Variants in GREB1L observed in about 807,000 individuals in gnomAD.
GREB1L encodes GREB1 like retinoic acid receptor coactivator.
A neutral mutation model predicts 200.8 loss-of-function variants in GREB1L; 17 were observed. That is an observed-to-expected ratio of 0.08 (90% confidence interval 0.06 to 0.13). The LOEUF is 0.13. GREB1L is among the 10% of genes least tolerant of loss of function. The pLI, the probability that GREB1L is intolerant of heterozygous loss-of-function variation, is 1.00. For missense variants in GREB1L, 1,657 were observed against 2,367.7 expected (o/e 0.70, Z 6.23); for synonymous variants, 789 against 893.0 (o/e 0.88, Z 2.08).
chr18:21,515,766 C>A (rs2146092775), intron 29 of GREB1L, 122 bp downstream of exon 29: 1 of 746,392 alleles, frequency 1.3e-6, no homozygotes, highest in East Asian at 2.7e-5. Context: ...TTTATGTGGG[C>A]AAGGAGAAAG....
intron 15 of GREB1L, among the ~76,000 whole-genome samples, chr18:21,457,314 C>G (rs981294300): frequency 1.3e-5 from 2 of 152,076 alleles, no homozygotes; most frequent in African/African-American, 4.8e-5. Context: ...TTGGCACACT[C>G]AAAGCAAAGC....
chr18:21,273,307 G>A (rs978618031), intron 1 of GREB1L, among the ~76,000 whole-genome samples: 1 of 152,150 alleles, frequency 6.6e-6, no homozygotes, highest in African/African-American at 2.4e-5. Context: ...ATTAACATAT[G>A]TAGTAATATT....
At chr18:21,515,775 AG>A (rs1163483931) in intron 29 of GREB1L, 131 bp downstream of exon 29, 5 of 702,310 alleles carry the variant, frequency 7.1e-6, no homozygotes, top group African/African-American at 5.4e-5. Flanking sequence ...GCAAGGAGAA[AG>A]GGGGATCACA....
intron 27 of GREB1L, among the ~76,000 whole-genome samples, chr18:21,510,191 G>A (rs1447824135): frequency 1.3e-5 from 2 of 149,176 alleles, no homozygotes; most frequent in South Asian, 2.1e-4. Context: ...ACCAGCCTGC[G>A]TGACAACAGT....
chr18:21,445,093 C>T (rs535633239), intron 11 of GREB1L, among the ~76,000 whole-genome samples: 6 of 152,236 alleles, frequency 3.9e-5, no homozygotes, highest in Admixed American at 6.5e-5. Context: ...GCATTTACAT[C>T]GAAATGTCCT....
intron 1 of GREB1L, among the ~76,000 whole-genome samples, chr18:21,328,404 A>G (rs1464866697): frequency 6.6e-6 from 1 of 152,194 alleles, no homozygotes; most frequent in Non-Finnish European, 1.5e-5. Flanking sequence ...TAGTGCCAAG[A>G]CAACCAGGAA....
At chr18:21,478,111 T>C (rs969956731) in intron 17 of GREB1L, among the ~76,000 whole-genome samples, 1 of 152,202 alleles carries the variant, frequency 6.6e-6, no homozygotes, top group African/African-American at 2.4e-5. Flanking sequence ...GCATCACTGT[T>C]AATTACTCTC....
chr18:21,243,739 T>C (rs964380086), intron 1 of GREB1L, among the ~76,000 whole-genome samples: 1 of 152,216 alleles, frequency 6.6e-6, no homozygotes, highest in Admixed American at 6.5e-5. Flanking sequence ...TGAAAAATTA[T>C]TTAAAAGAGA....
Position 21,439,585 on chromosome 18 carries a change from C to G in GREB1L, c.897C>G (p.His299Gln), listed in dbSNP as rs1267009900. The change falls in exon 8 of 33, where the codon CAC (histidine) becomes CAG (glutamine). Residue 299 changes from histidine to glutamine, a missense_variant. This residue lies in a region of GREB1L where 289 missense variants were observed against 345.1 expected (regional missense o/e 0.84). Coordinates refer to ENST00000424526, the MANE Select transcript of GREB1L (RefSeq NM_001142966.3). ...KGSASSSTPA[H>Q]TGNYSLSPRP... is the part of the protein sequence containing the mutation. ...GTGCATCCAGCTCCACTCCAGCCCA[C>G]ACAGGGAATTACTCTTTGTCACCAC... 6.4e-7 allele frequency: 1 copy of G among 1,551,950 alleles called. No homozygotes were observed. The highest frequency in any genetic ancestry group is 1.4e-5 in the African/African-American group (1 of 73,034).
At chr18:21,508,669 A>T in intron 27 of GREB1L, 78 bp downstream of exon 27, 2 of 1,048,394 alleles carry the variant, frequency 1.9e-6, no homozygotes, top group Non-Finnish European at 2.8e-6. Context: ...AAACTTTCAG[A>T]TTCCCCTGCC....
At chr18:21,256,966 C>T (rs1342385533) in intron 1 of GREB1L, among the ~76,000 whole-genome samples, 1 of 142,546 alleles carries the variant, frequency 7.0e-6, no homozygotes, top group African/African-American at 2.6e-5. Context: ...GATCATGCCA[C>T]TGCACTCCAG....
At chr18:21,400,314 A>G (rs1270457125) in intron 5 of GREB1L, among the ~76,000 whole-genome samples, 1 of 151,604 alleles carries the variant, frequency 6.6e-6, no homozygotes, top group Non-Finnish European at 1.5e-5. Context: ...ATTTTGTTTG[A>G]TTTGTCTGAG....
At chr18:21,483,972 C>CA (rs67820386) in intron 17 of GREB1L, among the ~76,000 whole-genome samples, 1,175 of 84,508 alleles carry the variant, frequency 0.014, 31 homozygotes, top group African/African-American at 0.028. Flanking sequence ...TGAGACTCCT[C>CA]AAAAAAAAAG....
At chr18:21,485,022 C>T (rs1450223783) in intron 17 of GREB1L, among the ~76,000 whole-genome samples, 2 of 152,120 alleles carry the variant, frequency 1.3e-5, no homozygotes, top group East Asian at 1.9e-4. Flanking sequence ...TCTCAAGATC[C>T]TCTGAGGGCA....
At chr18:21,302,499 G>T (rs1434260459) in intron 1 of GREB1L, among the ~76,000 whole-genome samples, 1 of 152,148 alleles carries the variant, frequency 6.6e-6, no homozygotes, top group Non-Finnish European at 1.5e-5. Context: ...GAGAGGGAAA[G>T]CTGATTGGTT....
At chr18:21,266,388 A>C (rs1056241157) in intron 1 of GREB1L, among the ~76,000 whole-genome samples, 18 of 152,334 alleles carry the variant, frequency 1.2e-4, no homozygotes, top group Middle Eastern at 3.4e-3. Context: ...TCAAGGGCTG[A>C]CATATGCAGC....
intron 4 of GREB1L, among the ~76,000 whole-genome samples, chr18:21,388,670 G>A (rs1472898776): frequency 1.1e-4 from 17 of 149,530 alleles, no homozygotes; most frequent in African/African-American, 2.5e-5. Flanking sequence ...TCAGCCTCCC[G>A]AGTAGCTGGG....
At chr18:21,449,951 T>C in intron 12 of GREB1L, 115 bp downstream of exon 12, 1 of 821,818 alleles carries the variant, frequency 1.2e-6, no homozygotes. Flanking sequence ...GATTAATTGC[T>C]GGAGCTTGGG....
intron 2 of GREB1L, among the ~76,000 whole-genome samples, chr18:21,368,888 A>G (rs2039770327): frequency 6.6e-6 from 1 of 152,240 alleles, no homozygotes; most frequent in South Asian, 2.1e-4. Context: ...GCCAAAAAAA[A>G]CCTGTAGAAG....
Sources: gnomAD v4.1 joint callset for allele counts (sites outside exome capture counted in the v4.1 genomes callset) on GRCh38, gnomAD v4.1.1 for gene constraint, gnomAD v4.1.1 regional missense constraint, MANE v1.5 for transcripts, NCBI Gene and HGNC (gene_info 2026-07-23, HGNC 2026-07-21) for gene names.